WNT3A: variants seen among roughly 807,000 people sequenced by gnomAD.
The protein encoded by WNT3A is protein Wnt-3a.
In WNT3A, 17 loss-of-function variants were observed where a neutral mutation model predicts 37.0. The observed-to-expected ratio is 0.46, with a 90% CI of 0.31 to 0.69. The LOEUF (loss-of-function observed/expected upper bound fraction) is 0.69. WNT3A is among the 30% of genes least tolerant of loss of function. The pLI, the probability that WNT3A is intolerant of heterozygous loss-of-function variation, is 0.05. For missense variants in WNT3A, 411 were observed against 510.2 expected (o/e 0.81, Z 1.87); for synonymous variants, 187 against 211.0 (o/e 0.89, Z 0.99).
At chr1:228,055,219 T>TATACACACACAC (rs1422386068) in intron 3 of WNT3A, among the ~76,000 whole-genome samples, 2 of 98,478 alleles carry the variant, frequency 2.0e-5, no homozygotes, top group Admixed American at 1.1e-4. Context: ...TATATATATA[T>TATACACACACAC]ACACACACAC....
chr1:228,060,594 C>G lies in WNT3A; in HGVS notation c.*1129C>G, dbSNP rs1330214576. The G allele has an allele frequency of 1.2e-5, 3 of 246,088 alleles. No homozygotes were observed. Among genetic ancestry groups the G allele is most frequent in the African/African-American group, 6.8e-5 (3 of 44,236 alleles). 15.2% of individuals were successfully genotyped at this position (246,088 alleles called of 1,614,324 possible). ...CCGGGCTCCCACACCGTCAGGTACT[C>G]CTGCCAGGGAACTGGCCTGCTGCGC... On this transcript the variant is annotated 3_prime_UTR_variant, in exon 4 of 4. Transcript: ENST00000284523.
rs2124822458 is a variant in WNT3A, at chr1:228,060,278, C to A, written c.*813C>A. 1 of 1,351,680 alleles carries A rather than the reference C, an allele frequency of 7.4e-7. No individual in the cohort carries two copies. The allele number at this position is 1,351,680 out of a possible 1,614,324, so 83.7% of individuals were successfully genotyped here. A position where few individuals can be genotyped will look rare whatever the true frequency, so the allele number is the denominator to read the frequency against. The stretch of plus-strand genomic sequence containing the variant: ...ACCCCCTGTAAGGTTCCATCCACCC[C>A]TGCGTCGAGCTGGGAAGGTTCCATG... On this transcript the variant is annotated 3_prime_UTR_variant, in exon 4 of 4. Transcript: ENST00000284523.
chr1:228,059,106 A>G lies in WNT3A; in HGVS notation c.700A>G (p.Lys234Glu), dbSNP rs748335041. ...CGCCATCGGTGACTTCCTCAAGGAC[A>G]AGTACGACAGCGCCTCGGAGATGGT... ...FRAIGDFLKD[K>E]YDSASEMVVE... Residue 234 changes from lysine (K) to glutamate (E), a missense_variant, in exon 4 of 4, where the codon AAG becomes GAG. By Grantham distance (56) the Lys-to-Glu change is moderately conservative. Transcript: ENST00000284523. The G allele has an allele frequency of 1.2e-6, 2 of 1,613,622 alleles. No homozygotes were observed. The highest frequency in any genetic ancestry group is 2.7e-5 in the African/African-American group (2 of 74,918).
In WNT3A at chr1:228,059,695, G is replaced by A. The variant is rs79401323; in HGVS notation, c.*230G>A. The A allele has an allele frequency of 8.8e-4, 1,182 of 1,342,662 alleles. 8 individuals carry two copies. The African/African-American group carries it at 0.016, about 18-fold the overall frequency. The allele number at this position is 1,342,662 out of a possible 1,614,324, so 83.2% of individuals were successfully genotyped here. A position where few individuals can be genotyped will look rare whatever the true frequency, so the allele number is the denominator to read the frequency against. The stretch of plus-strand genomic sequence containing the variant: ...CTGGGCTGCTCCTGAATGAGGCGGA[G>A]CTCCAGGATGGGGAGGGGCTCTGCG... On this transcript the variant is annotated 3_prime_UTR_variant, in exon 4 of 4. Coordinates refer to ENST00000284523, the MANE Select transcript of WNT3A (RefSeq NM_033131.4).
chr1:228,018,536 G>T (rs752140181), intron 1 of WNT3A, among the ~76,000 whole-genome samples: 37 of 152,002 alleles, frequency 2.4e-4, no homozygotes, highest in African/African-American at 8.7e-4. Context: ...GGGACTACAG[G>T]TGTGTGCCAC....
chr1:228,034,424 C>T (rs1426676581), intron 2 of WNT3A, among the ~76,000 whole-genome samples: 1 of 152,136 alleles, frequency 6.6e-6, no homozygotes, highest in Middle Eastern at 3.2e-3. Context: ...TTTATTTCTT[C>T]CTTCCAATCT....
At chr1:228,018,179 C>A (rs1170036877) in intron 1 of WNT3A, among the ~76,000 whole-genome samples, 4 of 152,178 alleles carry the variant, frequency 2.6e-5, no homozygotes, top group Non-Finnish European at 5.9e-5. Context: ...ATTTGCAGAG[C>A]CCCTCCCCCA....
At chr1:228,058,483 A>T (rs2124821466) in intron 3 of WNT3A, among the ~76,000 whole-genome samples, 1 of 152,314 alleles carries the variant, frequency 6.6e-6, no homozygotes, top group East Asian at 1.9e-4. Flanking sequence ...TTATGTCCCA[A>T]CATTGCCTTC....
chr1:228,060,112 G>T lies in WNT3A; in HGVS notation c.*647G>T, dbSNP rs2031771705. The T allele has an allele frequency of 1.5e-6, 2 of 1,299,194 alleles. No individual in the cohort carries two copies. Among genetic ancestry groups the T allele is most frequent in the Non-Finnish European group, 2.0e-6 (2 of 994,980 alleles). The allele number at this position is 1,299,194 out of a possible 1,614,324, so 80.5% of individuals were successfully genotyped here. ...TCCTTCCTGTGGGTGGGGCTTCTCT[G>T]GGACCAGGCTCCAATGGGGCGGGGC... On this transcript the variant is annotated 3_prime_UTR_variant, in exon 4 of 4. Coordinates refer to ENST00000284523, the MANE Select transcript of WNT3A (RefSeq NM_033131.4).
intron 2 of WNT3A, among the ~76,000 whole-genome samples, chr1:228,047,795 G>T (rs1218703327): frequency 6.6e-6 from 1 of 152,082 alleles, no homozygotes; most frequent in Non-Finnish European, 1.5e-5. Flanking sequence ...GCAGGAGCGG[G>T]ATAAAGAGTG....
rs1001035463 is a variant in WNT3A, at chr1:228,031,566, A to C, written c.313+8658A>C. Among the ~76,000 whole-genome samples the C allele has an allele frequency of 6.6e-6, 1 of 152,016 alleles. No individual in the cohort carries two copies. Among genetic ancestry groups the C allele is most frequent in the African/African-American group, 2.4e-5 (1 of 41,376 alleles). On this transcript the variant is annotated intron_variant, in intron 2 of 3. Coordinates refer to ENST00000284523, the MANE Select transcript of WNT3A (RefSeq NM_033131.4). The surrounding 1 kb of genome is among the most constrained non-coding windows in gnomAD (Gnocchi z 4.8). ...GTGGTGTGATGTGTCATGTGTGCAC[A>C]TGCATGTGGTGTGTGGGGTGTGTGC...
chr1:228,022,540 C>T, intron 1 of WNT3A, 127 bp from the exon 2 acceptor site: 2 of 1,212,882 alleles, frequency 1.6e-6, no homozygotes, highest in Non-Finnish European at 2.2e-6. Context: ...AATCAGATTT[C>T]CTTCATGGTG....
chr1:228,049,059 G>A (rs146922843), intron 2 of WNT3A, among the ~76,000 whole-genome samples: 1 of 152,370 alleles, frequency 6.6e-6, no homozygotes, highest in East Asian at 1.9e-4. Flanking sequence ...AGCAGCGGCA[G>A]ACACCCTGCA....
At chr1:228,032,302 T>G (rs933073594) in intron 2 of WNT3A, among the ~76,000 whole-genome samples, 11 of 152,202 alleles carry the variant, frequency 7.2e-5, no homozygotes, top group African/African-American at 2.4e-4. Flanking sequence ...CATCACTGTC[T>G]GGATTGGACG....
chr1:228,021,159 G>A (rs1210422808), intron 1 of WNT3A, among the ~76,000 whole-genome samples: 3 of 152,218 alleles, frequency 2.0e-5, no homozygotes, highest in Non-Finnish European at 4.4e-5. Context: ...TGGCCTGGCA[G>A]AGCTTCCCTG....
chr1:228,036,036 G>A (rs1042035342), intron 2 of WNT3A, among the ~76,000 whole-genome samples: 3 of 152,170 alleles, frequency 2.0e-5, no homozygotes, highest in Admixed American at 1.3e-4. Context: ...GGAGCCCGCC[G>A]GGTGCCTCAG....
At chr1:228,035,121 C>T (rs2031106516) in intron 2 of WNT3A, among the ~76,000 whole-genome samples, 2 of 152,148 alleles carry the variant, frequency 1.3e-5, no homozygotes, top group African/African-American at 4.8e-5. Flanking sequence ...CTCGGGGAAT[C>T]CCAGGAGGGC....
intron 3 of WNT3A, among the ~76,000 whole-genome samples, chr1:228,057,808 A>T (rs1023043783): frequency 6.6e-5 from 10 of 152,214 alleles, no homozygotes; most frequent in Non-Finnish European, 1.5e-4. Context: ...TAAAGAGTAA[A>T]CAGGTAAAAC....
At chr1:228,058,019 C>T (rs1212169661) in intron 3 of WNT3A, among the ~76,000 whole-genome samples, 3 of 152,146 alleles carry the variant, frequency 2.0e-5, no homozygotes, top group African/African-American at 7.2e-5. Flanking sequence ...TTTTAATAGA[C>T]ACGTGGCTTT....
Sources: allele counts gnomAD v4.1 joint callset (sites outside exome capture counted in the v4.1 genomes callset), GRCh38; gene constraint gnomAD v4.1.1; non-coding constraint Gnocchi (gnomAD v3.1); transcripts MANE v1.5; gene names NCBI Gene and HGNC (gene_info 2026-07-23, HGNC 2026-07-21).